The following FHIP2A variants were observed in gnomAD, a reference collection of about 807,000 sequenced individuals.
FHIP2A encodes family with sequence similarity 160 member B1.
A neutral mutation model predicts 93.5 loss-of-function variants in FHIP2A; 46 were observed. The ratio of observed to expected loss-of-function variants is 0.49; its 90% CI spans 0.39 to 0.63. The LOEUF is 0.63. Among genes scored for constraint, FHIP2A ranks in the 20% least tolerant of loss-of-function variants. FHIP2A has a pLI of 0.00. For synonymous variants in FHIP2A, 332 were observed against 326.5 expected (o/e 1.02, Z -0.18); for missense variants, 769 against 909.7 (o/e 0.85, Z 1.99).
intron 16 of FHIP2A, among the ~76,000 whole-genome samples, chr10:114,882,152 G>A (rs971734911): frequency 2.0e-5 from 3 of 152,144 alleles, no homozygotes; most frequent in East Asian, 1.9e-4. Flanking sequence ...GGGCTTTTTC[G>A]GGAGCAGCCT....
intron 8 of FHIP2A, 37 bp downstream of exon 8, chr10:114,845,518 A>T (rs2083695721): frequency 7.9e-7 from 1 of 1,265,552 alleles, no homozygotes; most frequent in Non-Finnish European, 1.1e-6. Context: ...TCATTTTAAG[A>T]TATAAATATC....
At chr10:114,893,302 C>T (rs2083984825) in intron 16 of FHIP2A, among the ~76,000 whole-genome samples, 1 of 152,180 alleles carries the variant, frequency 6.6e-6, no homozygotes, top group East Asian at 1.9e-4. Flanking sequence ...GTTGATTGTT[C>T]TATAACCACG....
chr10:114,838,612 G>A (rs542749112), intron 5 of FHIP2A, among the ~76,000 whole-genome samples: 1 of 152,012 alleles, frequency 6.6e-6, no homozygotes, highest in African/African-American at 2.4e-5. Context: ...TAGTGTACTT[G>A]GAATGCATGT....
chr10:114,850,822 A>T (rs147097303), intron 13 of FHIP2A, among the ~76,000 whole-genome samples: 110 of 152,288 alleles, frequency 7.2e-4, no homozygotes, highest in African/African-American at 2.5e-3. Flanking sequence ...ATTATTTACA[A>T]ACATTTTCTC....
At chr10:114,826,617 A>G (rs761377964) in intron 1 of FHIP2A, among the ~76,000 whole-genome samples, 6 of 152,178 alleles carry the variant, frequency 3.9e-5, no homozygotes, top group Non-Finnish European at 8.8e-5. Context: ...GCTCTCTGGA[A>G]GGAAGTGAGC....
intron 13 of FHIP2A, among the ~76,000 whole-genome samples, chr10:114,851,697 T>G: frequency 7.3e-6 from 1 of 136,908 alleles, no homozygotes; most frequent in East Asian, 2.1e-4. Flanking sequence ...ATTTTAGGAT[T>G]ACTTTGTCCA....
At position 114,861,389 on chromosome 10, in the gene FHIP2A, C is replaced by A. The variant is rs371713820; in HGVS notation, c.2193-46C>A. 33 of 1,613,618 alleles carry A rather than the reference C, an allele frequency of 2.0e-5. No individual in the cohort carries two copies. The African/African-American group carries it at 4.4e-4, about 22-fold the overall frequency. Reference sequence around the variant, plus strand: ...CAAAAATTTCAGTGAACTTAATGATCGGCTGCTATCTTGAATTGATTTATT... The same window carrying A: ...CAAAAATTTCAGTGAACTTAATGATAGGCTGCTATCTTGAATTGATTTATT... On this transcript the variant is annotated intron_variant, in intron 16 of 16. Coordinates refer to ENST00000369248, the MANE Select transcript of FHIP2A (RefSeq NM_020940.4).
intron 14 of FHIP2A, among the ~76,000 whole-genome samples, chr10:114,857,235 C>G (rs921163638): frequency 5.3e-5 from 8 of 151,324 alleles, no homozygotes; most frequent in Middle Eastern, 3.5e-3. Context: ...CCTAGTTTTA[C>G]TTTCTTTCCT....
chr10:114,889,658 C>T (rs1390561634), intron 16 of FHIP2A, among the ~76,000 whole-genome samples: 1 of 152,202 alleles, frequency 6.6e-6, no homozygotes, highest in Admixed American at 6.5e-5. Context: ...CCAACTCAGA[C>T]CATCTTCTCA....
chr10:114,890,100 T>C (rs1470844677), intron 16 of FHIP2A, among the ~76,000 whole-genome samples: 1 of 152,184 alleles, frequency 6.6e-6, no homozygotes, highest in East Asian at 1.9e-4. Flanking sequence ...TGATCTCAAC[T>C]CACTGCAACC....
intron 14 of FHIP2A, 36 bp from the exon 15 acceptor site, chr10:114,860,713 T>C: frequency 6.6e-7 from 1 of 1,512,556 alleles, no homozygotes; most frequent in Non-Finnish European, 9.2e-7. Flanking sequence ...GTATACATTA[T>C]TTTTAAATGT....
At position 114,862,865 on chromosome 10, in the gene FHIP2A, T is replaced by G. The variant is rs1038064852; in HGVS notation, c.*1325T>G. The G allele has an allele frequency of 1.0e-6, 1 of 985,374 alleles. No homozygotes were observed. Among genetic ancestry groups the G allele is most frequent in the African/African-American group, 1.7e-5 (1 of 57,254 alleles). 61.0% of individuals were successfully genotyped at this position (985,374 alleles called of 1,614,324 possible). A position where few individuals can be genotyped will look rare whatever the true frequency, so the allele number is the denominator to read the frequency against. The stretch of plus-strand genomic sequence containing the variant: ...GGAACAGGCTATCAAAGGTTCCGGC[T>G]TGAAGGGAACTGTCACTACCCCCTC... On this transcript the variant is annotated 3_prime_UTR_variant, in exon 17 of 17. Transcript: ENST00000369248.
Position 114,835,131 on chromosome 10 carries a change from C to T in FHIP2A, c.295-406C>T, listed in dbSNP as rs894224480. 8.7e-5 allele frequency among the ~76,000 whole-genome samples: 13 copies of T among 150,092 alleles called. No homozygotes were observed. The Admixed American group carries it at 8.7e-4, about 10-fold the overall frequency. On this transcript the variant is annotated intron_variant, in intron 3 of 16. Transcript: ENST00000369248. ...CATATATATGATGGAAAGTTGATGACATGTCTGTCATTAGTGTAAGTAACA... is the reference window on the plus strand; with the variant it reads ...CATATATATGATGGAAAGTTGATGATATGTCTGTCATTAGTGTAAGTAACA...
chr10:114,851,714 C>CAAAAAAA (rs60649106), intron 13 of FHIP2A, among the ~76,000 whole-genome samples: 1,651 of 81,482 alleles, frequency 0.02, 105 homozygotes, highest in South Asian at 0.025. Flanking sequence ...TCCATTTCTG[C>CAAAAAAA]AAAAAAAAAA....
intron 16 of FHIP2A, among the ~76,000 whole-genome samples, chr10:114,870,200 A>G (rs1249073866): frequency 6.6e-6 from 1 of 152,160 alleles, no homozygotes; most frequent in Non-Finnish European, 1.5e-5. Flanking sequence ...AACTTCTTCT[A>G]ACAGAGATGC....
chr10:114,835,661 TA>T lies in FHIP2A; in HGVS notation c.399+24del. 7.4e-7 allele frequency: 1 copy of T among 1,342,764 alleles called. No individual in the cohort carries two copies. The highest frequency in any genetic ancestry group is 1.0e-6 in the Non-Finnish European group (1 of 967,950). 83.2% of individuals were successfully genotyped at this position (1,342,764 alleles called of 1,614,324 possible). On this transcript the variant is annotated intron_variant, in intron 4 of 16. Transcript: ENST00000369248. ...GTGCAGGTATTTTGTTCCCCCTACATAAAATCATTTTGTTTGATTTCTTTTA... is the reference window on the plus strand; with the variant it reads ...GTGCAGGTATTTTGTTCCCCCTACATAAATCATTTTGTTTGATTTCTTTTA...
rs756794207 is a variant in FHIP2A, at chr10:114,846,298, T to G, written c.1329T>G (p.Thr443=). 2.5e-6 allele frequency: 4 copies of G among 1,614,060 alleles called. No homozygotes were observed. Among genetic ancestry groups the G allele is most frequent in the Non-Finnish European group, 3.4e-6 (4 of 1,180,028 alleles). ...TTGGAGAACAGAGGGAACCAGAAACTCTGGCAGAAATCAGCAGACATCCTT... is the reference window on the plus strand; with the variant it reads ...TTGGAGAACAGAGGGAACCAGAAACGCTGGCAGAAATCAGCAGACATCCTT... ...FILGEQREPE[T]LAEISRHPLR... Residue 443 remains threonine (T), a synonymous_variant, in exon 10 of 17, where the codon ACT becomes ACG. Coordinates refer to ENST00000369248, the MANE Select transcript of FHIP2A (RefSeq NM_020940.4).
chr10:114,831,081 A>G, intron 2 of FHIP2A, 151 bp downstream of exon 2: 2 of 560,486 alleles, frequency 3.6e-6, no homozygotes, highest in Admixed American at 6.9e-5. Context: ...TCAGTCACTC[A>G]TTTAAAAATA....
Position 114,894,320 on chromosome 10 carries a change from AG to A in FHIP2A, c.2193-5168del, listed in dbSNP as rs549813142. On this transcript the variant is annotated intron_variant, in intron 16 of 16. Coordinates refer to the FHIP2A transcript ENST00000369250. ...ACGCCTGTAATCCCAGCACTTTGGG[AG>A]GCTGAGGCAGGTGGATTGCTTGAGC... Among the ~76,000 whole-genome samples, 838 of 147,202 alleles carry A rather than the reference AG, an allele frequency of 5.7e-3. 10 individuals carry two copies. Among genetic ancestry groups the A allele is most frequent in the African/African-American group, 0.021 (817 of 39,628 alleles).
Sources: allele counts gnomAD v4.1 joint callset (sites outside exome capture counted in the v4.1 genomes callset), GRCh38; gene constraint gnomAD v4.1.1; transcripts MANE v1.5; gene names NCBI Gene and HGNC (gene_info 2026-07-23, HGNC 2026-07-21).